The following STARD6 variants were observed in gnomAD, a reference collection of about 807,000 sequenced individuals.
The protein encoded by STARD6 is stAR-related lipid transfer protein 6.
A neutral mutation model predicts 22.3 loss-of-function variants in STARD6; 21 were observed. That is an observed-to-expected ratio of 0.94 (90% CI 0.67 to 1.35). STARD6 has a LOEUF of 1.35. STARD6 is among the 40% of genes most tolerant of loss of function. STARD6 has a pLI of 0.00. For missense variants in STARD6, 269 were observed against 266.9 expected, an observed-to-expected ratio of 1.01 and a Z score of -0.05; for synonymous variants, 80 against 88.1, an observed-to-expected ratio of 0.91 and a Z score of 0.52.
At chr18:54,335,929 A>G (rs1394063127) in intron 5 of STARD6, among the ~76,000 whole-genome samples, 1 of 152,076 alleles carries the variant, frequency 6.6e-6, no homozygotes, top group African/African-American at 2.4e-5. Flanking sequence ...TTTTTTCTTC[A>G]TAAATTACCC....
intron 4 of STARD6, among the ~76,000 whole-genome samples, chr18:54,348,129 T>C (rs62091244): frequency 0.32 from 48,505 of 152,090 alleles, 9,231 homozygotes; most frequent in East Asian, 0.68. Context: ...CTGAGTCCAT[T>C]AAACCTCTTT....
intron 4 of STARD6, among the ~76,000 whole-genome samples, chr18:54,345,129 A>T (rs146607049): frequency 6.6e-6 from 1 of 152,306 alleles, no homozygotes; most frequent in East Asian, 1.9e-4. Context: ...GATTTTATAT[A>T]TAGAAAAAAA....
Position 54,343,941 on chromosome 18 carries a change from G to A in STARD6, c.141-6690C>T, listed in dbSNP as rs1465375767. On this transcript the variant is annotated intron_variant, in intron 4 of 7. Coordinates refer to ENST00000307844, the MANE Select transcript of STARD6 (RefSeq NM_139171.2). Reference sequence around the variant, plus strand: ...GCCCGGCCAGCCGCCCCGTCCGCGAGGGAGGTGGGGGGGGTCAGCCCCCCT... The same window carrying A: ...GCCCGGCCAGCCGCCCCGTCCGCGAAGGAGGTGGGGGGGGTCAGCCCCCCT... 6.0e-5 allele frequency among the ~76,000 whole-genome samples: 3 copies of A among 50,194 alleles called. 1 individual carries two copies. The highest frequency in any genetic ancestry group is 4.3e-4 in the Admixed American group (3 of 6,962). The allele number at this position is 50,194 out of a possible 152,430, so 32.9% of individuals were successfully genotyped here.
chr18:54,353,111 T>C (rs1354074183), intron 4 of STARD6, among the ~76,000 whole-genome samples: 2 of 152,116 alleles, frequency 1.3e-5, no homozygotes, highest in Non-Finnish European at 2.9e-5. Flanking sequence ...TGAAATATAA[T>C]ATAGGTAAAT....
chr18:54,343,692 C>T (rs1425966278), intron 4 of STARD6, among the ~76,000 whole-genome samples: 76 of 43,024 alleles, frequency 1.8e-3, no homozygotes, highest in African/African-American at 3.8e-3. Context: ...GCCCCCCGCC[C>T]GGCCAGCCGC....
chr18:54,345,194 C>A (rs1230941079), intron 4 of STARD6, among the ~76,000 whole-genome samples: 1 of 151,976 alleles, frequency 6.6e-6, no homozygotes, highest in Non-Finnish European at 1.5e-5. Context: ...CTTCAGGATA[C>A]AAGATCAATA....
At position 54,354,561 on chromosome 18, in the gene STARD6, C is replaced by T; in HGVS notation, c.13G>A (p.Ala5Thr). 1 of 1,612,398 alleles carries T rather than the reference C, an allele frequency of 6.2e-7. No individual in the cohort carries two copies. The highest frequency in any genetic ancestry group is 8.5e-7 in the Non-Finnish European group (1 of 1,179,216). Residue 5 changes from alanine to threonine, a missense_variant, in exon 3 of 8, where the codon GCA (alanine) becomes ACA (threonine). By Grantham distance (58) the Ala-to-Thr change is moderately conservative. Transcript: ENST00000307844. MDFK[A>T]IAQQTAQEVL... is the part of the protein sequence containing the mutation. ...TCTTGGGCAGTTTGTTGGGCAATTG[C>T]CTTGAAGTCCATCTATCTGCAAGTT...
intron 4 of STARD6, among the ~76,000 whole-genome samples, chr18:54,342,716 G>GCCTC (rs1458865374): frequency 5.7e-5 from 5 of 87,856 alleles, no homozygotes; most frequent in Non-Finnish European, 1.1e-4. Context: ...GCCAACCTCG[G>GCCTC]CCTCCCGAGG....
In STARD6 at chr18:54,342,479, C is replaced by A. The variant is rs1201488543; in HGVS notation, c.141-5228G>T. ...TCTCCCTCTCCCTCCCTCTCCGTCTCCGTCTCCGTCTCCCTCTCCCCACGG... is the reference window on the plus strand; with the variant it reads ...TCTCCCTCTCCCTCCCTCTCCGTCTACGTCTCCGTCTCCCTCTCCCCACGG... On this transcript the variant is annotated intron_variant, in intron 4 of 7. Transcript: ENST00000307844. Among the ~76,000 whole-genome samples, 5 of 130,786 alleles carry A rather than the reference C, an allele frequency of 3.8e-5. 1 individual carries two copies. Among genetic ancestry groups the A allele is most frequent in the Non-Finnish European group, 8.4e-5 (5 of 59,658 alleles). 85.8% of individuals were successfully genotyped at this position (130,786 alleles called of 152,430 possible). A position where few individuals can be genotyped will look rare whatever the true frequency, so the allele number is the denominator to read the frequency against.
Position 54,337,153 on chromosome 18 carries a change from A to G in STARD6, c.239T>C (p.Val80Ala). The change falls in exon 5 of 8, where the codon GTG becomes GCG. Residue 80 changes from valine (V) to alanine (A), a missense_variant. Val to Ala is a moderately conservative substitution (Grantham distance 64). Coordinates refer to ENST00000307844, the MANE Select transcript of STARD6 (RefSeq NM_139171.2). ...ATCAATCCTGTGTACCATATTATAC[A>G]CTTGCAATGATTTATCCCATGTAAT... ...DRITWDKSLQ[V>A]YNMVHRIDSD... The G allele has an allele frequency of 4.3e-6, 7 of 1,613,290 alleles. No homozygotes were observed. The highest frequency in any genetic ancestry group is 5.9e-6 in the Non-Finnish European group (7 of 1,179,566).
At chr18:54,334,419 A>G (rs1007634954) in intron 5 of STARD6, among the ~76,000 whole-genome samples, 2 of 152,100 alleles carry the variant, frequency 1.3e-5, no homozygotes, top group African/African-American at 4.8e-5. Context: ...ATGGCTTCCC[A>G]CTGAACGTAG....
intron 5 of STARD6, among the ~76,000 whole-genome samples, chr18:54,333,663 C>CT (rs2088884892): frequency 6.6e-6 from 1 of 152,152 alleles, no homozygotes; most frequent in Non-Finnish European, 1.5e-5. Flanking sequence ...AGATCAAGGA[C>CT]TTTCTACAAG....
chr18:54,351,607 T>C (rs2089096776), intron 4 of STARD6, among the ~76,000 whole-genome samples: 1 of 152,198 alleles, frequency 6.6e-6, no homozygotes, highest in South Asian at 2.1e-4. Flanking sequence ...TTTACTTCTT[T>C]GAGGTAAGTT....
At chr18:54,339,260 G>C (rs2144678411) in intron 4 of STARD6, among the ~76,000 whole-genome samples, 1 of 151,476 alleles carries the variant, frequency 6.6e-6, no homozygotes, top group South Asian at 2.1e-4. Context: ...AAGAGAGTGA[G>C]ACCCGTCTCT....
chr18:54,341,298 A>T (rs943173688), intron 4 of STARD6, among the ~76,000 whole-genome samples: 5 of 152,186 alleles, frequency 3.3e-5, no homozygotes, highest in African/African-American at 1.2e-4. Context: ...CGACCTCATG[A>T]TCCGCCCACC....
At chr18:54,334,061 T>C (rs1599298517) in intron 5 of STARD6, among the ~76,000 whole-genome samples, 1 of 152,232 alleles carries the variant, frequency 6.6e-6, no homozygotes, top group Admixed American at 6.5e-5. Flanking sequence ...ATTTTAAGTA[T>C]GTAGTTCAAT....
At chr18:54,343,293 C>G (rs1404036972) in intron 4 of STARD6, among the ~76,000 whole-genome samples, 1 of 117,304 alleles carries the variant, frequency 8.5e-6, no homozygotes, top group Non-Finnish European at 1.8e-5. Context: ...AGTGAGGAGC[C>G]TCTCCGCCCA....
Position 54,337,013 on chromosome 18 carries a change from A to G in STARD6, c.267+112T>C, listed in dbSNP as rs2088920602. On this transcript the variant is annotated intron_variant, in intron 5 of 7. Transcript: ENST00000307844. ...AAGCTTTTATAAAGACTTCAAGTCA[A>G]TTTGAAACTATAAAATACTGTGTCT... 8.0e-6 allele frequency: 8 copies of G among 1,000,568 alleles called. No individual in the cohort carries two copies. The East Asian group carries it at 2.1e-4, about 26-fold the overall frequency. The allele number at this position is 1,000,568 out of a possible 1,614,324, so 62.0% of individuals were successfully genotyped here. A position where few individuals can be genotyped will look rare whatever the true frequency, so the allele number is the denominator to read the frequency against.
chr18:54,324,810 G>T lies in STARD6; in HGVS notation c.545C>A (p.Ser182Ter). 6.8e-6 allele frequency: 11 copies of T among 1,606,062 alleles called. No individual in the cohort carries two copies. Among genetic ancestry groups the T allele is most frequent in the Non-Finnish European group, 9.3e-6 (11 of 1,177,046 alleles). The change falls in exon 8 of 8, where the codon TCA (serine) becomes TAA (stop). Residue 182 changes from serine (S) to a stop codon, truncating the protein, a stop_gained. Transcript: ENST00000307844. LOFTEE classifies it low-confidence loss of function (END_TRUNC). Reference protein sequence around the residue: ...QTEMRGKLSPSIIEKTMPSNL... With the variant: ...QTEMRGKLSP ...GGAAGGCATGGTTTTTTCAATTATT[G>T]ATGGGGACAATTTTCCTCTCATTTC...
Sources: allele counts gnomAD v4.1 joint callset (sites outside exome capture counted in the v4.1 genomes callset), GRCh38; gene constraint gnomAD v4.1.1; transcripts MANE v1.5; gene names NCBI Gene and HGNC (gene_info 2026-07-23, HGNC 2026-07-21).